The following DNAAF11 variants were observed in gnomAD, a reference collection of about 807,000 sequenced individuals.
DNAAF11 encodes dynein axonemal assembly factor 11.
In DNAAF11, 45 loss-of-function variants were observed where a neutral mutation model predicts 60.8. The ratio of observed to expected loss-of-function variants is 0.74; its 90% CI spans 0.58 to 0.95. The LOEUF is 0.95. Ranked by LOEUF, DNAAF11 falls within the 40% of genes least tolerant of loss-of-function variation. The pLI, the probability that DNAAF11 is intolerant of heterozygous loss-of-function variation, is 0.00. For synonymous variants in DNAAF11, 191 were observed against 183.5 expected, an observed-to-expected ratio of 1.04 and a Z score of -0.33; for missense variants, 546 against 546.2, an observed-to-expected ratio of 1.00 and a Z score of 0.00.
chr8:132,596,617 G>T (rs1817041969), intron 10 of DNAAF11, among the ~76,000 whole-genome samples: 1 of 152,144 alleles, frequency 6.6e-6, no homozygotes, highest in Admixed American at 6.5e-5. Flanking sequence ...TGTCTGACCT[G>T]CAGGCTAAGT....
intron 3 of DNAAF11, among the ~76,000 whole-genome samples, chr8:132,639,428 TTTC>T (rs571329988): frequency 1.9e-3 from 283 of 152,294 alleles, no homozygotes; most frequent in African/African-American, 6.4e-3. Flanking sequence ...TCCATTATCA[TTTC>T]TTATTATATA....
intron 2 of DNAAF11, among the ~76,000 whole-genome samples, chr8:132,660,349 T>G (rs564872945): frequency 1.1e-3 from 162 of 152,356 alleles, no homozygotes; most frequent in African/African-American, 3.8e-3. Flanking sequence ...TATCATTTCA[T>G]GTAATCCCTA....
the DNAAF11 span, among the ~76,000 whole-genome samples, chr8:132,700,024 T>C: frequency 0.029 from 4,461 of 152,280 alleles, 252 homozygotes; most frequent in African/African-American, 0.1. Flanking sequence ...GATTGTGTTC[T>C]GGAACCACAG....
At chr8:132,673,438 C>A (rs1207194321) in intron 1 of DNAAF11, among the ~76,000 whole-genome samples, 2 of 152,188 alleles carry the variant, frequency 1.3e-5, no homozygotes, top group Non-Finnish European at 2.9e-5. Context: ...CTATCTCCCA[C>A]TCGAACTCCT....
rs191376365 is a variant in DNAAF11 at position 132,583,797 on chromosome 8, C to T, written c.1141-18G>A. 4.4e-5 allele frequency: 68 copies of T among 1,562,718 alleles called. No homozygotes were observed. The Admixed American group carries it at 7.3e-4, about 17-fold the overall frequency. Reference sequence around the variant, plus strand: ...TCTCCTACCTAAAATAAAAATGAAACACACACCAAGTGGTGCATTACTCCT... The same window carrying T: ...TCTCCTACCTAAAATAAAAATGAAATACACACCAAGTGGTGCATTACTCCT... On this transcript the variant is annotated intron_variant, in intron 10 of 11. Transcript: ENST00000620350.
In DNAAF11 at chr8:132,571,449, A is replaced by T. The variant is rs1814174858; in HGVS notation, c.*857T>A. On this transcript the variant is annotated 3_prime_UTR_variant, in exon 12 of 12. Coordinates refer to ENST00000620350, the MANE Select transcript of DNAAF11 (RefSeq NM_012472.6). ...CTAGATAAAGAAGAGGTAGGATATT[A>T]AAAAAGTAAAGAAGGAAATAGAGGA... Among the ~76,000 whole-genome samples, 1 of 152,140 alleles carries T rather than the reference A, an allele frequency of 6.6e-6. No homozygotes were observed. The highest frequency in any genetic ancestry group is 1.5e-5 in the Non-Finnish European group (1 of 68,024).
Position 132,582,261 on chromosome 8 carries a change from T to C in DNAAF11, c.1226+1433A>G, listed in dbSNP as rs371816617. Among the ~76,000 whole-genome samples the C allele has an allele frequency of 3.0e-4, 46 of 152,330 alleles. 1 individual carries two copies. The highest frequency in any genetic ancestry group is 1.0e-3 in the African/African-American group (43 of 41,576). On this transcript the variant is annotated intron_variant, in intron 11 of 11. Coordinates refer to ENST00000620350, the MANE Select transcript of DNAAF11 (RefSeq NM_012472.6). ...CTTCACACAGGCATTTTACATGTGA[T>C]TGTGGTGTGATCCTTTCTCAGTAAT...
the DNAAF11 span, among the ~76,000 whole-genome samples, chr8:132,680,933 G>C: frequency 1.4e-5 from 2 of 141,830 alleles, no homozygotes; most frequent in South Asian, 2.5e-4. Flanking sequence ...TGGTGCAAAA[G>C]TAATTGCAGT....
chr8:132,572,577 G>T, intron 11 of DNAAF11, 97 bp from the exon 12 acceptor site: 2 of 816,052 alleles, frequency 2.5e-6, no homozygotes, highest in Non-Finnish European at 3.8e-6. Flanking sequence ...GCAAACGTTG[G>T]CAAGTAATAT....
chr8:132,635,094 T>C (rs899839813), intron 4 of DNAAF11, among the ~76,000 whole-genome samples: 7 of 152,326 alleles, frequency 4.6e-5, no homozygotes, highest in Middle Eastern at 3.4e-3. Flanking sequence ...GATGACAAAT[T>C]TGGGACTGTA....
chr8:132,609,644 G>A (rs1178153431), intron 10 of DNAAF11, among the ~76,000 whole-genome samples: 1 of 152,092 alleles, frequency 6.6e-6, no homozygotes, highest in Non-Finnish European at 1.5e-5. Flanking sequence ...ATGCAAGATA[G>A]GAACATGAAA....
chr8:132,701,269 A>G, the DNAAF11 span, among the ~76,000 whole-genome samples: 1 of 152,236 alleles, frequency 6.6e-6, no homozygotes, highest in Admixed American at 6.5e-5. Context: ...CACCCGGCTC[A>G]TATATTCTTT....
chr8:132,608,625 G>A, intron 10 of DNAAF11: 1 of 302,478 alleles, frequency 3.3e-6, no homozygotes, highest in South Asian at 3.0e-5. Flanking sequence ...TTAATCTTTG[G>A]CTTTCCAGTT....
intron 11 of DNAAF11, among the ~76,000 whole-genome samples, chr8:132,582,410 C>T (rs1204659820): frequency 6.6e-6 from 1 of 152,180 alleles, no homozygotes; most frequent in Non-Finnish European, 1.5e-5. Flanking sequence ...GGTCTGAAAA[C>T]CAGCTCCGAA....
intron 5 of DNAAF11, among the ~76,000 whole-genome samples, chr8:132,628,956 G>T (rs1321706429): frequency 1.3e-5 from 2 of 152,110 alleles, no homozygotes; most frequent in African/African-American, 4.8e-5. Flanking sequence ...ATCAGACAAG[G>T]ATATTATAGC....
intron 1 of DNAAF11, among the ~76,000 whole-genome samples, chr8:132,674,476 G>A (rs1825577939): frequency 6.6e-6 from 1 of 152,172 alleles, no homozygotes; most frequent in South Asian, 2.1e-4. Context: ...GATCAATTAG[G>A]TAGAGCTGTA....
chr8:132,637,113 G>A (rs189174958), intron 4 of DNAAF11, among the ~76,000 whole-genome samples: 3 of 152,214 alleles, frequency 2.0e-5, no homozygotes, highest in East Asian at 1.9e-4. Context: ...AAAATTACTC[G>A]ATTGGGGGGA....
At chr8:132,669,210 T>C (rs1006814862) in intron 1 of DNAAF11, among the ~76,000 whole-genome samples, 1 of 152,170 alleles carries the variant, frequency 6.6e-6, no homozygotes, top group Non-Finnish European at 1.5e-5. Context: ...CACCTAGATA[T>C]CGGCTTCCTG....
the DNAAF11 span, among the ~76,000 whole-genome samples, chr8:132,699,792 A>G: frequency 1.3e-5 from 2 of 152,210 alleles, no homozygotes; most frequent in Admixed American, 6.5e-5. Context: ...AATACATGCT[A>G]AGATGTGAGT....
Sources: allele counts gnomAD v4.1 joint callset (sites outside exome capture counted in the v4.1 genomes callset), GRCh38; gene constraint gnomAD v4.1.1; transcripts MANE v1.5; gene names NCBI Gene and HGNC (gene_info 2026-07-23, HGNC 2026-07-21).